TFEC: variants seen among roughly 807,000 people sequenced by gnomAD.
TFEC encodes the protein class E basic helix-loop-helix protein 34.
TFEC carries 31 observed loss-of-function variants against 41.6 expected under a neutral mutation model. The ratio of observed to expected loss-of-function variants is 0.74; its 90% CI spans 0.56 to 1.01. TFEC has a LOEUF of 1.01. TFEC is among the 50% of genes least tolerant of loss of function. TFEC has a pLI of 0.00. For synonymous variants in TFEC, 143 were observed against 140.6 expected, an observed-to-expected ratio of 1.02 and a Z score of -0.12; for missense variants, 402 against 404.1, an observed-to-expected ratio of 0.99 and a Z score of 0.04.
At chr7:116,070,450 A>C (rs1283645035) in intron 3 of TFEC, among the ~76,000 whole-genome samples, 1 of 151,450 alleles carries the variant, frequency 6.6e-6, no homozygotes, top group Non-Finnish European at 1.5e-5. Flanking sequence ...AAATTACCTC[A>C]AACGACCTAA....
intron 2 of TFEC, among the ~76,000 whole-genome samples, chr7:115,983,569 T>A (rs67191463): frequency 0.37 from 56,246 of 151,922 alleles, 11,253 homozygotes; most frequent in Non-Finnish European, 0.45. Context: ...TAGTTTTTTA[T>A]ACTGAAACAT....
intron 3 of TFEC, among the ~76,000 whole-genome samples, chr7:116,059,222 A>G (rs549514215): frequency 6.6e-6 from 1 of 152,048 alleles, no homozygotes; most frequent in African/African-American, 2.4e-5. Context: ...ATTAGTGTAT[A>G]TGACAACTTC....
In TFEC at chr7:115,987,776, G is replaced by A. The variant is rs544932860; in HGVS notation, c.-72-3263C>T. Among the ~76,000 whole-genome samples, 12 of 152,002 alleles carry A rather than the reference G, an allele frequency of 7.9e-5. No individual in the cohort carries two copies. The South Asian group carries it at 2.1e-3, about 26-fold the overall frequency. ...GTGCTCATATAAACACATATAAAAT[G>A]TGTTTTATATATATATAAACATATA... On this transcript the variant is annotated intron_variant, in intron 1 of 7. Transcript: ENST00000265440.
At position 116,070,937 on chromosome 7, in the gene TFEC, T is replaced by G. The variant is rs140063393; in HGVS notation, c.198+39771A>C. On this transcript the variant is annotated intron_variant, in intron 3 of 8. Transcript: ENST00000484212. ...ACCCAAAACCCACAGTAACACATAA[T>G]ACACACATACACATTCAATTAATGC... Among the ~76,000 whole-genome samples the G allele has an allele frequency of 6.3e-3, 951 of 151,430 alleles. 6 individuals carry two copies. The highest frequency in any genetic ancestry group is 0.022 in the African/African-American group (897 of 41,486).
chr7:116,080,665 T>A (rs1202988681), intron 3 of TFEC, among the ~76,000 whole-genome samples: 4 of 152,062 alleles, frequency 2.6e-5, no homozygotes, highest in African/African-American at 4.8e-5. Context: ...CCTGCAAGAA[T>A]GGCCATATCA....
At chr7:115,945,269 G>A (rs2130255473) in intron 6 of TFEC, among the ~76,000 whole-genome samples, 1 of 150,686 alleles carries the variant, frequency 6.6e-6, no homozygotes, top group South Asian at 2.2e-4. Flanking sequence ...CCTTTTTCCA[G>A]CATTCTTGTT....
chr7:116,087,822 G>A lies in TFEC; in HGVS notation c.198+22886C>T, dbSNP rs901764194. Among the ~76,000 whole-genome samples, 11 of 152,136 alleles carry A rather than the reference G, an allele frequency of 7.2e-5. 1 individual carries two copies. Among genetic ancestry groups the A allele is most frequent in the Non-Finnish European group, 1.2e-4 (8 of 67,962 alleles). ...GCAACAGGGATCTCAAACCCATTCT[G>A]TTGTTGCATTAATGTCAGAGCCAAA... is the stretch of plus-strand genomic sequence containing the variant. On this transcript the variant is annotated intron_variant, in intron 3 of 8. Transcript: ENST00000484212.
chr7:116,119,110 G>A (rs1410298588), intron 1 of TFEC, among the ~76,000 whole-genome samples: 2 of 151,762 alleles, frequency 1.3e-5, no homozygotes, highest in African/African-American at 4.8e-5. Flanking sequence ...CACACATTAA[G>A]CACTTTGCTA....
At chr7:116,031,833 C>T (rs138705389), upstream of TFEC, among the ~76,000 whole-genome samples, 2,258 of 152,132 alleles carry the variant, frequency 0.015, 34 homozygotes, top group Non-Finnish European at 0.02. Flanking sequence ...CTTACCTTTT[C>T]TGGTTGTTTT....
intron 2 of TFEC, among the ~76,000 whole-genome samples, 183 bp from the exon 3 acceptor site, chr7:115,974,439 TATATATATATAA>T (rs1444037540): frequency 0.043 from 2,313 of 53,756 alleles, 150 homozygotes; most frequent in African/African-American, 0.054. Context: ...TATATATATA[TATATATATATAA>T]AAACACAGAT....
At chr7:115,940,975 G>T (rs755487936) in intron 7 of TFEC, 44 bp from the exon 8 acceptor site, 76 of 1,513,122 alleles carry the variant, frequency 5.0e-5, no homozygotes, top group Non-Finnish European at 6.6e-5. Flanking sequence ...CTTTGAAATT[G>T]GATTTAACAC....
At chr7:115,946,791 C>A (rs1055458897) in intron 6 of TFEC, among the ~76,000 whole-genome samples, 2 of 150,922 alleles carry the variant, frequency 1.3e-5, no homozygotes, top group African/African-American at 4.9e-5. Flanking sequence ...CTGTTTGGTC[C>A]TCCCAAAGTA....
At chr7:116,105,818 G>C (rs1435860977) in intron 3 of TFEC, among the ~76,000 whole-genome samples, 2 of 151,996 alleles carry the variant, frequency 1.3e-5, no homozygotes, top group Non-Finnish European at 2.9e-5. Context: ...TACAAAAAAA[G>C]GCTTTGAGAC....
At chr7:116,076,899 A>T (rs1796972260) in intron 3 of TFEC, among the ~76,000 whole-genome samples, 1 of 152,194 alleles carries the variant, frequency 6.6e-6, no homozygotes, top group Non-Finnish European at 1.5e-5. Flanking sequence ...AGAGATCTAG[A>T]TATCCAAATA....
intron 1 of TFEC, among the ~76,000 whole-genome samples, chr7:116,023,522 A>G (rs1562939232): frequency 6.6e-6 from 1 of 152,292 alleles, no homozygotes; most frequent in East Asian, 1.9e-4. Flanking sequence ...CAAAAAAACT[A>G]AAGACTCTGA....
At chr7:116,052,367 G>C (rs1408322150) in intron 3 of TFEC, among the ~76,000 whole-genome samples, 3 of 152,152 alleles carry the variant, frequency 2.0e-5, no homozygotes, top group Non-Finnish European at 4.4e-5. Flanking sequence ...AAGCAGTGTT[G>C]CTTTACCTGC....
chr7:116,149,066 C>G (rs1798705140), intron 1 of TFEC, among the ~76,000 whole-genome samples: 1 of 152,058 alleles, frequency 6.6e-6, no homozygotes, highest in Admixed American at 6.6e-5. Flanking sequence ...AATGGCTAAG[C>G]ATCCAACTTA....
Position 116,065,614 on chromosome 7 carries a change from C to T in TFEC, c.198+45094G>A, listed in dbSNP as rs1001924150. 4.6e-5 allele frequency among the ~76,000 whole-genome samples: 7 copies of T among 152,036 alleles called. No homozygotes were observed. The South Asian group carries it at 6.2e-4, about 14-fold the overall frequency. On this transcript the variant is annotated intron_variant, in intron 3 of 8. Transcript: ENST00000484212. ...ATCTAGAGACTCAACTCATACCAAA[C>T]GAATCAGCAATACTTGTGTATGGAG...
Position 115,957,985 on chromosome 7 carries a change from G to A in TFEC, c.268-1192C>T, listed in dbSNP as rs188790174. ...AATTGGAAAATACAGTTGAAATCAC[G>A]TCAGTTTATATGCATATCAATAAGG... On this transcript the variant is annotated intron_variant, in intron 3 of 7. Transcript: ENST00000265440. Among the ~76,000 whole-genome samples the A allele has an allele frequency of 2.2e-4, 33 of 151,824 alleles. No individual in the cohort carries two copies. In the East Asian group the frequency reaches 2.9e-3, roughly 13 times the overall value.
Sources: allele counts gnomAD v4.1 joint callset (sites outside exome capture counted in the v4.1 genomes callset), GRCh38; gene constraint gnomAD v4.1.1; transcripts MANE v1.5; gene names NCBI Gene and HGNC (gene_info 2026-07-23, HGNC 2026-07-21).